RAB3C: variants seen among roughly 807,000 people sequenced by gnomAD.
The protein encoded by RAB3C is ras-related protein Rab-3C.
Under a neutral mutation model 26.4 loss-of-function variants are expected in RAB3C, and 17 were observed. That is an observed-to-expected ratio of 0.64 (90% confidence interval 0.44 to 0.97). RAB3C has a LOEUF of 0.97. RAB3C is among the 50% of genes least tolerant of loss of function. The pLI, the probability that RAB3C is intolerant of heterozygous loss-of-function variation, is 0.00. For synonymous variants in RAB3C, 91 were observed against 95.9 expected, an observed-to-expected ratio of 0.95 and a Z score of 0.30; for missense variants, 242 against 281.9, an observed-to-expected ratio of 0.86 and a Z score of 1.01.
At chr5:58,766,156 C>T (rs1741898837) in intron 3 of RAB3C, among the ~76,000 whole-genome samples, 1 of 145,796 alleles carries the variant, frequency 6.9e-6, no homozygotes, top group African/African-American at 2.6e-5. Context: ...CTCGCTCTGT[C>T]ACCCAGGCTG....
chr5:58,725,039 C>A (rs1740857986), intron 2 of RAB3C, among the ~76,000 whole-genome samples: 1 of 151,722 alleles, frequency 6.6e-6, no homozygotes, highest in African/African-American at 2.4e-5. Flanking sequence ...GGGTTTTATA[C>A]CTTTAAGTGT....
In RAB3C at chr5:58,660,115, TCCTAATAC is replaced by T. The variant is rs1747870407; in HGVS notation, c.252+42246_252+42253del. Among the ~76,000 whole-genome samples, 13 of 141,196 alleles carry T rather than the reference TCCTAATAC, an allele frequency of 9.2e-5. 1 individual carries two copies. The highest frequency in any genetic ancestry group is 3.2e-4 in the African/African-American group (10 of 31,190). The allele number at this position is 141,196 out of a possible 152,430, so 92.6% of individuals were successfully genotyped here. On this transcript the variant is annotated intron_variant, in intron 2 of 4. Coordinates refer to ENST00000282878, the MANE Select transcript of RAB3C (RefSeq NM_138453.4). Reference sequence around the variant, plus strand: ...CCACCACACCTGGCTTTTCTTAAATTCCTAATACAGCAATTACCTTGGGATGAAGAAAT... The same window carrying T: ...CCACCACACCTGGCTTTTCTTAAATTAGCAATTACCTTGGGATGAAGAAAT...
At chr5:58,712,935 G>T (rs1301576247) in intron 2 of RAB3C, among the ~76,000 whole-genome samples, 1 of 152,170 alleles carries the variant, frequency 6.6e-6, no homozygotes, top group East Asian at 1.9e-4. Context: ...AGAAGACAAA[G>T]ATAAGAAAAC....
At position 58,755,251 on chromosome 5, in the gene RAB3C, C is replaced by T. The variant is rs73757968; in HGVS notation, c.371+29131C>T. On this transcript the variant is annotated intron_variant, in intron 3 of 4. Coordinates refer to ENST00000282878, the MANE Select transcript of RAB3C (RefSeq NM_138453.4). ...TTCTAGGGCAATGCCTTTTGATGTC[C>T]TGATTCAATGCCGTTGTAAGCCTGA... Among the ~76,000 whole-genome samples, 1,143 of 152,282 alleles carry T rather than the reference C, an allele frequency of 7.5e-3. 22 individuals are homozygous for T. The highest frequency in any genetic ancestry group is 0.026 in the African/African-American group (1,090 of 41,546).
chr5:58,792,793 A>T (rs1579920976), intron 3 of RAB3C, among the ~76,000 whole-genome samples: 1 of 152,240 alleles, frequency 6.6e-6, no homozygotes, highest in East Asian at 1.9e-4. Flanking sequence ...GTATGTGTAT[A>T]TATAAAACCT....
intron 2 of RAB3C, among the ~76,000 whole-genome samples, chr5:58,622,115 G>A (rs435514): frequency 0.19 from 28,806 of 152,094 alleles, 3,055 homozygotes; most frequent in Admixed American, 0.28. Context: ...AAGAATGGGA[G>A]GGTCAGAGTA....
chr5:58,691,573 G>C (rs974022069), intron 2 of RAB3C, among the ~76,000 whole-genome samples: 1 of 150,048 alleles, frequency 6.7e-6, no homozygotes, highest in Non-Finnish European at 1.5e-5. Context: ...AGGCATAATA[G>C]ACTCTCTGAG....
At chr5:58,825,843 T>C (rs1003279449) in intron 4 of RAB3C, among the ~76,000 whole-genome samples, 8 of 152,256 alleles carry the variant, frequency 5.3e-5, no homozygotes, top group African/African-American at 1.9e-4. Context: ...GATTGATGAT[T>C]GATTGATTGA....
chr5:58,599,285 C>T (rs1746397616), intron 1 of RAB3C, among the ~76,000 whole-genome samples: 1 of 152,082 alleles, frequency 6.6e-6, no homozygotes, highest in Admixed American at 6.6e-5. Flanking sequence ...ATTTATAAGG[C>T]CTGGATTACC....
chr5:58,687,837 T>G (rs1402890021), intron 2 of RAB3C, among the ~76,000 whole-genome samples: 1 of 152,140 alleles, frequency 6.6e-6, no homozygotes, highest in Non-Finnish European at 1.5e-5. Flanking sequence ...CACTACTGTA[T>G]TATTTTGTAT....
intron 2 of RAB3C, among the ~76,000 whole-genome samples, chr5:58,638,366 A>G (rs292989): frequency 0.34 from 51,482 of 151,818 alleles, 9,683 homozygotes; most frequent in Middle Eastern, 0.49. Context: ...CTTATAAATA[A>G]GCTTGTTTTT....
At position 58,665,955 on chromosome 5, in the gene RAB3C, A is replaced by G. The variant is rs965274396; in HGVS notation, c.252+48085A>G. 9.9e-5 allele frequency among the ~76,000 whole-genome samples: 15 copies of G among 152,186 alleles called. No homozygotes were observed. In the South Asian group the frequency reaches 1.4e-3, roughly 15 times the overall value. On this transcript the variant is annotated intron_variant, in intron 2 of 4. Coordinates refer to ENST00000282878, the MANE Select transcript of RAB3C (RefSeq NM_138453.4). The stretch of plus-strand genomic sequence containing the variant: ...GTAGGAGTCAGTGGGAAACGTGCAT[A>G]TCTACTGAGGATCATGAAGGCCAAT...
intron 1 of RAB3C, among the ~76,000 whole-genome samples, chr5:58,609,567 G>T (rs1158265915): frequency 3.3e-5 from 5 of 152,114 alleles, no homozygotes; most frequent in Non-Finnish European, 7.4e-5. Context: ...TAAGCTGAGG[G>T]TTATTCACCT....
intron 1 of RAB3C, among the ~76,000 whole-genome samples, chr5:58,602,877 A>G (rs1440352625): frequency 6.6e-6 from 1 of 151,992 alleles, no homozygotes; most frequent in South Asian, 2.1e-4. Context: ...CATTGTATTC[A>G]TCATGCAATG....
intron 1 of RAB3C, among the ~76,000 whole-genome samples, chr5:58,608,574 T>C (rs1401003378): frequency 6.6e-6 from 1 of 152,204 alleles, no homozygotes; most frequent in Non-Finnish European, 1.5e-5. Context: ...ATAGGAACAC[T>C]TTTACACTGT....
rs142608934 is a variant in RAB3C at position 58,615,694 on chromosome 5, C to T, written c.25-1949C>T. Among the ~76,000 whole-genome samples the T allele has an allele frequency of 3.9e-5, 6 of 152,138 alleles. No individual in the cohort carries two copies. The East Asian group carries it at 9.6e-4, about 24-fold the overall frequency. On this transcript the variant is annotated intron_variant, in intron 1 of 4. Transcript: ENST00000282878. ...AGGCCGACCTCTGCCCACTGGGAAG[C>T]GTTTGTTATAGGTTTTCACAATTTC...
chr5:58,707,988 C>CTTT (rs35213627), intron 2 of RAB3C, among the ~76,000 whole-genome samples: 7 of 142,556 alleles, frequency 4.9e-5, no homozygotes, highest in Admixed American at 7.0e-5. Flanking sequence ...TCTTTCTTTC[C>CTTT]TTTTTTTTTT....
chr5:58,604,666 C>T (rs571737609), intron 1 of RAB3C, among the ~76,000 whole-genome samples: 2 of 152,326 alleles, frequency 1.3e-5, no homozygotes, highest in African/African-American at 4.8e-5. Flanking sequence ...ACCCCAACAA[C>T]AGCCCCAATT....
intron 2 of RAB3C, among the ~76,000 whole-genome samples, chr5:58,718,013 C>T (rs543486170): frequency 2.6e-5 from 4 of 152,200 alleles, no homozygotes; most frequent in Middle Eastern, 3.4e-3. Context: ...TCCTTTAAAA[C>T]GCAATGCATT....
Sources: allele counts gnomAD v4.1 joint callset (sites outside exome capture counted in the v4.1 genomes callset), GRCh38; gene constraint gnomAD v4.1.1; transcripts MANE v1.5; gene names NCBI Gene and HGNC (gene_info 2026-07-23, HGNC 2026-07-21).